USP34: variants seen among roughly 807,000 people sequenced by gnomAD.
USP34 encodes ubiquitin carboxyl-terminal hydrolase 34.
Under a neutral mutation model 460.3 loss-of-function variants are expected in USP34, and 70 were observed. The ratio of observed to expected loss-of-function variants is 0.15; its 90% CI spans 0.13 to 0.19. The LOEUF is 0.19. Among genes scored for constraint, USP34 ranks in the 10% least tolerant of loss-of-function variants. The probability of loss-of-function intolerance (pLI) is 1.00; values close to 1 mark genes in which losing one functional copy is unlikely to be tolerated. For missense variants in USP34, 3,985 were observed against 4,236.2 expected, an observed-to-expected ratio of 0.94 and a Z score of 1.65; for synonymous variants, 1,647 against 1,405.3, an observed-to-expected ratio of 1.17 and a Z score of -3.85.
chr2:61,248,438 C>A (rs1416268488), intron 49 of USP34, 73 bp downstream of exon 49: 25 of 1,451,216 alleles, frequency 1.7e-5, no homozygotes, highest in Non-Finnish European at 1.9e-5. Context: ...TTGATGACAA[C>A]TTTATAATTA....
Position 61,311,577 on chromosome 2 carries a change from C to T in USP34, c.3780G>A (p.Gln1260=), listed in dbSNP as rs759823670. The T allele has an allele frequency of 3.7e-6, 6 of 1,611,750 alleles. No homozygotes were observed. Among genetic ancestry groups the T allele is most frequent in the Non-Finnish European group, 8.5e-7 (1 of 1,179,236 alleles). ...CTTTTCGGTTGCTTTGACCAAACTC[C>T]TGAAGCTGAGCTTGTTGATTTATTT... ...KEQINQQAQL[Q]EFGQSNRKGE... The change falls in exon 27 of 80, where the codon CAG becomes CAA. Residue 1260 remains glutamine, a synonymous_variant. Transcript: ENST00000398571.
At chr2:61,245,174 G>A in intron 51 of USP34, 36 bp downstream of exon 51, 1 of 1,535,166 alleles carries the variant, frequency 6.5e-7, no homozygotes, top group Non-Finnish European at 9.0e-7. Flanking sequence ...CACTTGGAAG[G>A]ACACAAACCA....
intron 44 of USP34, 95 bp downstream of exon 44, chr2:61,259,616 A>G (rs1213215252): frequency 9.2e-7 from 1 of 1,090,606 alleles, no homozygotes; most frequent in African/African-American, 1.6e-5. Context: ...AAGCTCTTGA[A>G]CTCAAGCCAT....
chr2:61,405,232 C>CAAAAAAAAAAAAAAAA (rs199659618), intron 3 of USP34, among the ~76,000 whole-genome samples: 13 of 78,060 alleles, frequency 1.7e-4, no homozygotes, highest in South Asian at 5.9e-4. Context: ...GACTCCATCT[C>CAAAAAAAAAAAAAAAA]AAAAAAAAAA....
intron 6 of USP34, among the ~76,000 whole-genome samples, chr2:61,381,702 G>C (rs1280141934): frequency 6.6e-6 from 1 of 152,128 alleles, no homozygotes; most frequent in African/African-American, 2.4e-5. Flanking sequence ...AACCCATACA[G>C]AGCTCTATCT....
intron 8 of USP34, among the ~76,000 whole-genome samples, chr2:61,371,745 C>T (rs1435859300): frequency 6.6e-6 from 1 of 152,150 alleles, no homozygotes; most frequent in African/African-American, 2.4e-5. Flanking sequence ...CCAACTCACC[C>T]AGAGCAACTT....
chr2:61,206,211 T>G, intron 71 of USP34, 87 bp from the exon 72 acceptor site: 1 of 1,113,880 alleles, frequency 9.0e-7, no homozygotes, highest in Non-Finnish European at 1.3e-6. Context: ...AGAATGCTAA[T>G]GCTAGAAATT....
chr2:61,209,795 A>T (rs6709441), intron 69 of USP34, among the ~76,000 whole-genome samples: 48,418 of 152,154 alleles, frequency 0.32, 8,036 homozygotes, highest in South Asian at 0.38. Context: ...AGAGGAGATG[A>T]CAGCTCTAAG....
intron 29 of USP34, among the ~76,000 whole-genome samples, chr2:61,297,829 G>A (rs1225662361): frequency 6.6e-6 from 1 of 151,968 alleles, no homozygotes; most frequent in African/African-American, 2.4e-5. Flanking sequence ...TGCAACCTCC[G>A]CCTCCCGGGT....
At chr2:61,260,816 C>G (rs7608060) in intron 43 of USP34, among the ~76,000 whole-genome samples, 16 of 152,006 alleles carry the variant, frequency 1.1e-4, no homozygotes, top group African/African-American at 3.6e-4. Context: ...GAATAAAGAC[C>G]TGGATTTATA....
At chr2:61,313,552 A>G (rs2600663) in intron 25 of USP34, among the ~76,000 whole-genome samples, 57,766 of 151,970 alleles carry the variant, frequency 0.38, 10,999 homozygotes, top group Non-Finnish European at 0.39. Flanking sequence ...GTAATATCTG[A>G]ATTTTATAAT....
At chr2:61,316,659 T>G (rs1572928608) in intron 23 of USP34, among the ~76,000 whole-genome samples, 1 of 151,090 alleles carries the variant, frequency 6.6e-6, no homozygotes, top group Admixed American at 6.6e-5. Flanking sequence ...CCAAGGCGGG[T>G]GGATCACCTG....
intron 67 of USP34, among the ~76,000 whole-genome samples, chr2:61,218,839 G>A (rs769354258): frequency 9.9e-5 from 15 of 152,128 alleles, no homozygotes; most frequent in African/African-American, 3.6e-4. Flanking sequence ...CCATATCAAG[G>A]GTACACACTA....
chr2:61,211,979 G>T, intron 68 of USP34, 50 bp from the exon 69 acceptor site: 1 of 1,537,628 alleles, frequency 6.5e-7, no homozygotes, highest in Non-Finnish European at 8.7e-7. Context: ...TAGCATTTTA[G>T]AAGGTCAGTT....
At chr2:61,422,425 A>T (rs993379931) in intron 1 of USP34, among the ~76,000 whole-genome samples, 1 of 152,158 alleles carries the variant, frequency 6.6e-6, no homozygotes, top group African/African-American at 2.4e-5. Flanking sequence ...TAACCAACAA[A>T]AACTTTCCAA....
intron 10 of USP34, among the ~76,000 whole-genome samples, chr2:61,359,839 C>T (rs1198015643): frequency 2.2e-5 from 3 of 135,484 alleles, no homozygotes; most frequent in Non-Finnish European, 3.1e-5. Flanking sequence ...CTAAAGTGCT[C>T]GGCTGGGTGA....
intron 10 of USP34, among the ~76,000 whole-genome samples, chr2:61,369,542 G>T (rs6716772): frequency 0.021 from 3,106 of 150,692 alleles, 47 homozygotes; most frequent in South Asian, 0.041. Context: ...ATTCAGGAGC[G>T]TGAGGCAGGA....
intron 1 of USP34, among the ~76,000 whole-genome samples, chr2:61,444,675 T>C (rs968535890): frequency 3.3e-5 from 5 of 152,094 alleles, no homozygotes; most frequent in African/African-American, 1.2e-4. Context: ...ATTAAAGGGC[T>C]AGGGTGGGAG....
chr2:61,237,420 T>G (rs918829645), intron 53 of USP34, among the ~76,000 whole-genome samples: 1 of 152,178 alleles, frequency 6.6e-6, no homozygotes, highest in South Asian at 2.1e-4. Flanking sequence ...CTCCTGGACC[T>G]AAAGGCTGGT....
Sources: gnomAD v4.1 joint callset for allele counts (sites outside exome capture counted in the v4.1 genomes callset) on GRCh38, gnomAD v4.1.1 for gene constraint, MANE v1.5 for transcripts, NCBI Gene and HGNC (gene_info 2026-07-23, HGNC 2026-07-21) for gene names.